RPS19: variants seen among roughly 807,000 people sequenced by gnomAD.
The protein encoded by RPS19 is ribosomal protein S19, also known as small ribosomal subunit protein eS19.
RPS19 carries 1 observed loss-of-function variant against 20.3 expected under a neutral mutation model. The observed-to-expected ratio is 0.05, with a 90% CI of 0.02 to 0.23. RPS19 has a LOEUF of 0.23. Among genes scored for constraint, RPS19 ranks in the 10% least tolerant of loss-of-function variants. The probability of loss-of-function intolerance (pLI) is 1.00; values close to 1 mark genes in which losing one functional copy is unlikely to be tolerated. For synonymous variants in RPS19, 87 were observed against 74.8 expected, an observed-to-expected ratio of 1.16 and a Z score of -0.84; for missense variants, 111 against 192.7, an observed-to-expected ratio of 0.58 and a Z score of 2.51.
At chr19:41,870,242 CAAA>C (rs879977226) in intron 5 of RPS19, among the ~76,000 whole-genome samples, 1 of 141,296 alleles carries the variant, frequency 7.1e-6, no homozygotes, top group East Asian at 2.1e-4. Flanking sequence ...AACTCCATCT[CAAA>C]AAAAAAAAAA....
intron 5 of RPS19, among the ~76,000 whole-genome samples, chr19:41,870,848 CCTTT>C (rs1370116107): frequency 0.016 from 1,399 of 85,724 alleles, 128 homozygotes; most frequent in Middle Eastern, 0.06. Flanking sequence ...CCACTCCCTT[CCTTT>C]TTTTTTTTTT....
At chr19:41,863,518 C>T (rs1278267091) in intron 3 of RPS19, among the ~76,000 whole-genome samples, 3 of 152,174 alleles carry the variant, frequency 2.0e-5, no homozygotes, top group African/African-American at 4.8e-5. Flanking sequence ...TATTTTGCCT[C>T]CTCAGATTTG....
At chr19:41,869,819 AC>A (rs1163999793) in intron 5 of RPS19, 66 bp downstream of exon 5, 1 of 1,545,528 alleles carries the variant, frequency 6.5e-7, no homozygotes, top group African/African-American at 1.4e-5. Context: ...CAAAGCCCAT[AC>A]TTTGTCAGGT....
intron 3 of RPS19, among the ~76,000 whole-genome samples, chr19:41,865,313 CTG>C (rs1302563529): frequency 6.8e-6 from 1 of 147,396 alleles, no homozygotes; most frequent in Non-Finnish European, 1.5e-5. Context: ...TGCAGTGAGT[CTG>C]AGATCACGCC....
chr19:41,870,451 C>G (rs952259296), intron 5 of RPS19, among the ~76,000 whole-genome samples: 3 of 152,148 alleles, frequency 2.0e-5, no homozygotes, highest in Non-Finnish European at 4.4e-5. Context: ...GGTCTCCATT[C>G]AGATCCTGGC....
intron 1 of RPS19, 193 bp from the exon 2 acceptor site, chr19:41,860,582 C>T (rs951836634): frequency 2.5e-5 from 17 of 669,046 alleles, no homozygotes; most frequent in South Asian, 6.4e-5. Flanking sequence ...TAGTGCGATC[C>T]AGAGAGGCCG....
In RPS19 at chr19:41,866,780, G is replaced by A. The variant is rs61761241; in HGVS notation, c.173-2251G>A. On this transcript the variant is annotated intron_variant, in intron 3 of 5. Coordinates refer to ENST00000598742, the MANE Select transcript of RPS19 (RefSeq NM_001022.4). ...CCCTGTAATCCCAGCACTTTGGGAG[G>A]CCAAGGCAGGTGGATTACGAGGTCA... is the stretch of plus-strand genomic sequence containing the variant. 5.8e-3 allele frequency among the ~76,000 whole-genome samples: 886 copies of A among 152,268 alleles called. 5 individuals are homozygous for A. The highest frequency in any genetic ancestry group is 0.011 in the African/African-American group (476 of 41,546).
chr19:41,871,861 G>A lies in RPS19; in HGVS notation c.*484G>A, dbSNP rs1183225422. ...GGCCTGGGCTGCAGAGGTGGCTTCC[G>A]CTGGAGTAAAGCAAGAGGGCCCAGG... On this transcript the variant is annotated 3_prime_UTR_variant, in exon 6 of 6. Transcript: ENST00000598742. 2.2e-5 allele frequency: 4 copies of A among 184,324 alleles called. No homozygotes were observed. The highest frequency in any genetic ancestry group is 9.9e-5 in the South Asian group (1 of 10,066). 11.4% of individuals were successfully genotyped at this position (184,324 alleles called of 1,614,324 possible). A position where few individuals can be genotyped will look rare whatever the true frequency, so the allele number is the denominator to read the frequency against.
chr19:41,868,454 G>T (rs1555841132), intron 3 of RPS19, among the ~76,000 whole-genome samples: 1 of 152,206 alleles, frequency 6.6e-6, no homozygotes, highest in African/African-American at 2.4e-5. Flanking sequence ...TAATAGAAGC[G>T]TGCAAGCGTT....
At position 41,871,379 on chromosome 19, in the gene RPS19, A is replaced by G. The variant is rs200093004; in HGVS notation, c.*2A>G. On this transcript the variant is annotated 3_prime_UTR_variant, in exon 6 of 6. Coordinates refer to ENST00000598742, the MANE Select transcript of RPS19 (RefSeq NM_001022.4). Reference sequence around the variant, plus strand: ...GCAGCTGCCAACAAGAAGCATTAGAACAAACCATGCTGGGTTAATAAATTG... The same window carrying G: ...GCAGCTGCCAACAAGAAGCATTAGAGCAAACCATGCTGGGTTAATAAATTG... 4 of 1,613,546 alleles carry G rather than the reference A, an allele frequency of 2.5e-6. No homozygotes were observed. In the Admixed American group the frequency reaches 5.0e-5, roughly 20 times the overall value.
chr19:41,871,276 A>T, intron 5 of RPS19, 75 bp from the exon 6 acceptor site: 1 of 1,287,352 alleles, frequency 7.8e-7, no homozygotes, highest in South Asian at 1.2e-5. Flanking sequence ...TGTGGTGGGT[A>T]GTTAGGTAGC....
At position 41,861,166 on chromosome 19, in the gene RPS19, C is replaced by T. The variant is rs371560118; in HGVS notation, c.126C>T (p.His42=). 20 of 1,614,056 alleles carry T rather than the reference C, an allele frequency of 1.2e-5. 1 individual carries two copies. The highest frequency in any genetic ancestry group is 1.7e-5 in the Non-Finnish European group (20 of 1,180,050). The change falls in exon 3 of 6, where the codon CAC becomes CAT. Residue 42 remains histidine, a synonymous_variant. Transcript: ENST00000598742. ...EWVDTVKLAK[H]KELAPYDENW... is the part of the protein sequence containing the mutation. ...TGGATACCGTCAAGCTGGCCAAGCA[C>T]AAAGAGCTTGCTCCCTACGATGAGA...
At chr19:41,868,161 C>G (rs1555841094) in intron 3 of RPS19, among the ~76,000 whole-genome samples, 1 of 152,232 alleles carries the variant, frequency 6.6e-6, no homozygotes, top group African/African-American at 2.4e-5. Context: ...AAACCAGACT[C>G]TGCTCTGAGC....
chr19:41,868,683 G>A (rs1032433043), intron 3 of RPS19, among the ~76,000 whole-genome samples: 14 of 152,258 alleles, frequency 9.2e-5, no homozygotes, highest in Middle Eastern at 3.4e-3. Flanking sequence ...AGTGGCAATA[G>A]GTCCCTTCAC....
chr19:41,860,967 C>A, intron 2 of RPS19, 122 bp downstream of exon 2: 2 of 1,113,448 alleles, frequency 1.8e-6, no homozygotes, highest in Non-Finnish European at 2.7e-6. Flanking sequence ...TGGCTCCTTT[C>A]AGCGTGAGGC....
intron 3 of RPS19, chr19:41,861,564 A>G (rs1413635477): frequency 1.6e-5 from 6 of 366,532 alleles, no homozygotes; most frequent in African/African-American, 4.2e-5. Flanking sequence ...TCCTCTGGCA[A>G]GTTGGTTAAC....
chr19:41,869,591 G>T lies in RPS19; in HGVS notation c.357-108G>T, dbSNP rs185118477. 196 of 1,214,484 alleles carry T rather than the reference G, an allele frequency of 1.6e-4. No homozygotes were observed. In the African/African-American group the frequency reaches 2.5e-3, roughly 15 times the overall value. 75.2% of individuals were successfully genotyped at this position (1,214,484 alleles called of 1,614,324 possible). A position where few individuals can be genotyped will look rare whatever the true frequency, so the allele number is the denominator to read the frequency against. ...TGACTAGGGCCCTCAGTGGGACTTG[G>T]CTGGCGGCAGGTGGCTTTTTGAGAA... On this transcript the variant is annotated intron_variant, in intron 4 of 5. Transcript: ENST00000598742.
intron 2 of RPS19, 49 bp from the exon 3 acceptor site, chr19:41,861,063 A>G (rs1300179772): frequency 1.4e-6 from 2 of 1,395,152 alleles, no homozygotes; most frequent in Admixed American, 3.3e-5. Context: ...GATATGGGGT[A>G]GTTTGTGGAG....
intron 3 of RPS19, among the ~76,000 whole-genome samples, chr19:41,863,456 A>C (rs1392701428): frequency 3.3e-5 from 5 of 152,184 alleles, no homozygotes; most frequent in African/African-American, 1.2e-4. Context: ...GGCTCTGTCC[A>C]AAACTAGGTT....
Sources: gnomAD v4.1 joint callset for allele counts (sites outside exome capture counted in the v4.1 genomes callset) on GRCh38, gnomAD v4.1.1 for gene constraint, MANE v1.5 for transcripts, NCBI Gene and HGNC (gene_info 2026-07-23, HGNC 2026-07-21) for gene names.